The following GPLD1 variants were observed in gnomAD, a reference collection of about 807,000 sequenced individuals.
The protein encoded by GPLD1 is phosphatidylinositol-glycan-specific phospholipase D.
GPLD1 carries 84 observed loss-of-function variants against 112.6 expected under a neutral mutation model. That is an observed-to-expected ratio of 0.75 (90% CI 0.63 to 0.89). The LOEUF (loss-of-function observed/expected upper bound fraction) is 0.89. Ranked by LOEUF, GPLD1 falls within the 40% of genes least tolerant of loss-of-function variation. GPLD1 has a pLI of 0.00. For synonymous variants in GPLD1, 386 were observed against 403.8 expected (o/e 0.96, Z 0.53); for missense variants, 1,044 against 1,051.5 (o/e 0.99, Z 0.10).
intron 14 of GPLD1, 89 bp downstream of exon 14, chr6:24,453,923 CTTG>C: frequency 1.3e-6 from 1 of 796,596 alleles, no homozygotes; most frequent in Non-Finnish European, 2.1e-6. Flanking sequence ...TGTAATTATT[CTTG>C]TTATTAGTTA....
chr6:24,480,274 C>A (rs926674555), intron 2 of GPLD1, among the ~76,000 whole-genome samples: 5 of 151,466 alleles, frequency 3.3e-5, no homozygotes, highest in Admixed American at 1.3e-4. Context: ...GCAGGATTTC[C>A]CTGAGGCCTT....
At chr6:24,459,480 C>T (rs1581758969) in intron 12 of GPLD1, among the ~76,000 whole-genome samples, 1 of 152,346 alleles carries the variant, frequency 6.6e-6, no homozygotes, top group South Asian at 2.1e-4. Flanking sequence ...TAGTCTCAAA[C>T]TCCTGAGCTC....
chr6:24,478,194 C>T (rs970002803), intron 3 of GPLD1, among the ~76,000 whole-genome samples: 6 of 152,016 alleles, frequency 3.9e-5, no homozygotes, highest in Non-Finnish European at 2.9e-5. Context: ...AGTAGAGCTC[C>T]CATGAATACA....
intron 24 of GPLD1, 99 bp from the exon 25 acceptor site, chr6:24,429,217 T>C: frequency 3.0e-6 from 2 of 660,016 alleles, no homozygotes; most frequent in South Asian, 2.5e-5. Context: ...AATATAAAGA[T>C]GAATAAGACA....
At chr6:24,464,479 T>C (rs1256025035) in intron 10 of GPLD1, among the ~76,000 whole-genome samples, 2 of 152,214 alleles carry the variant, frequency 1.3e-5, no homozygotes, top group East Asian at 1.9e-4. Context: ...GCCAAATTGT[T>C]ACTCACCGAT....
chr6:24,438,872 C>T (rs567644970), intron 20 of GPLD1, among the ~76,000 whole-genome samples: 26 of 152,232 alleles, frequency 1.7e-4, no homozygotes, highest in Admixed American at 8.5e-4. Flanking sequence ...CTGCAACCTC[C>T]GCTTCCTGGG....
intron 7 of GPLD1, 56 bp downstream of exon 7, chr6:24,472,526 G>C: frequency 2.1e-6 from 2 of 975,176 alleles, no homozygotes; most frequent in South Asian, 1.4e-5. Flanking sequence ...AAGAAAAAAA[G>C]TCAAGGCTCT....
chr6:24,434,802 C>T (rs1297071390), intron 22 of GPLD1, among the ~76,000 whole-genome samples: 9 of 142,006 alleles, frequency 6.3e-5, no homozygotes, highest in Admixed American at 2.2e-4. Context: ...CACGCCACTG[C>T]ACTCCAGCCT....
At chr6:24,469,137 GGA>G (rs1367324390) in intron 7 of GPLD1, among the ~76,000 whole-genome samples, 1 of 152,110 alleles carries the variant, frequency 6.6e-6, no homozygotes, top group African/African-American at 2.4e-5. Flanking sequence ...AACAGGTGCT[GGA>G]GAGGATGTGG....
chr6:24,427,956 A>T lies in GPLD1; in HGVS notation c.*1076T>A, dbSNP rs977634310. Among the ~76,000 whole-genome samples, 41 of 152,172 alleles carry T rather than the reference A, an allele frequency of 2.7e-4. No individual in the cohort carries two copies. The highest frequency in any genetic ancestry group is 1.4e-3 in the Admixed American group (22 of 15,274). ...TGTTCTCACAAGTGGGTGCTAAGTT[A>T]AAAGAACTTATGAACACAAAACAAC... On this transcript the variant is annotated 3_prime_UTR_variant, in exon 25 of 25. Transcript: ENST00000230036.
rs760535652 is a variant in GPLD1 at position 24,446,907 on chromosome 6, A to C, written c.1751T>G (p.Leu584Arg). 8 of 1,614,066 alleles carry C rather than the reference A, an allele frequency of 5.0e-6. No homozygotes were observed. The highest frequency in any genetic ancestry group is 6.8e-6 in the Non-Finnish European group (8 of 1,179,972). ...EEDFSWFGYS[L>R]HGVTVDNRTL... is the part of the protein sequence containing the mutation. ...TCTGTTGTCCACAGTGACACCGTGA[A>C]GGGAATATCCAAACCAGGAGAAGTC... Residue 584 changes from leucine to arginine, a missense_variant, in exon 18 of 25, where the codon CTT becomes CGT. Physicochemically the swap from Leu to Arg is moderately radical, Grantham distance 102. Coordinates refer to ENST00000230036, the MANE Select transcript of GPLD1 (RefSeq NM_001503.4).
exon 1 of GPLD1, chr6:24,495,147 C>T: frequency 2.8e-6 from 4 of 1,421,812 alleles, no homozygotes; most frequent in East Asian, 3.0e-5. Flanking sequence ...CGCTGGGCGC[C>T]TGGCGGGCCT....
At position 24,445,772 on chromosome 6, in the gene GPLD1, T is replaced by C; in HGVS notation, c.1880A>G (p.Tyr627Cys). ...CCAGCTTTGGCCGTTTGGTGGGAAG[T>C]AGCCATACACCCTCCCAAGGCTCTT... ...EKKSLGRVYGYFPPNGQSWFT... is the reference protein window; with the variant it reads ...EKKSLGRVYGCFPPNGQSWFT... The change falls in exon 19 of 25, where the codon TAC becomes TGC. Residue 627 changes from tyrosine to cysteine, a missense_variant. Transcript: ENST00000230036. 1.2e-6 allele frequency: 2 copies of C among 1,613,842 alleles called. No homozygotes were observed. The highest frequency in any genetic ancestry group is 2.2e-5 in the East Asian group (1 of 44,878).
At chr6:24,461,184 G>A (rs1348877955) in intron 11 of GPLD1, among the ~76,000 whole-genome samples, 1 of 152,120 alleles carries the variant, frequency 6.6e-6, no homozygotes, top group Admixed American at 6.5e-5. Context: ...AGTAGGGAGT[G>A]GACAACAGCC....
At chr6:24,457,623 C>T (rs1399770698) in intron 12 of GPLD1, among the ~76,000 whole-genome samples, 1 of 152,038 alleles carries the variant, frequency 6.6e-6, no homozygotes, top group Non-Finnish European at 1.5e-5. Context: ...TGGCTCACGC[C>T]TATAATCCTA....
At chr6:24,467,603 A>T (rs1270600496) in intron 7 of GPLD1, among the ~76,000 whole-genome samples, 1 of 152,232 alleles carries the variant, frequency 6.6e-6, no homozygotes, top group Non-Finnish European at 1.5e-5. Context: ...AAGAGTGGTT[A>T]ATTTTGTGAA....
At position 24,431,457 on chromosome 6, in the gene GPLD1, CCTCT is replaced by C. The variant is rs767742163; in HGVS notation, c.2436+1726_2436+1729del. On this transcript the variant is annotated intron_variant, in intron 24 of 24. Coordinates refer to ENST00000230036, the MANE Select transcript of GPLD1 (RefSeq NM_001503.4). ...TTATTTTCAAGAACAGGGACTCTGC[CCTCT>C]CTGTTTTTATTTCTTATAGCCTATA... Among the ~76,000 whole-genome samples, 20 of 152,004 alleles carry C rather than the reference CCTCT, an allele frequency of 1.3e-4. 1 individual carries two copies. Among genetic ancestry groups the C allele is most frequent in the African/African-American group, 4.6e-4 (19 of 41,380 alleles).
intron 7 of GPLD1, among the ~76,000 whole-genome samples, chr6:24,469,186 TA>T (rs1295774754): frequency 5.9e-5 from 9 of 151,666 alleles, no homozygotes; most frequent in African/African-American, 2.2e-4. Flanking sequence ...GGTGGGACTG[TA>T]AACTAGTTCA....
At chr6:24,449,483 C>G (rs907976966) in intron 15 of GPLD1, among the ~76,000 whole-genome samples, 4 of 152,140 alleles carry the variant, frequency 2.6e-5, no homozygotes, top group Non-Finnish European at 5.9e-5. Flanking sequence ...TACAGATGAG[C>G]TGGGATTTCT....
Sources: allele counts gnomAD v4.1 joint callset (sites outside exome capture counted in the v4.1 genomes callset), GRCh38; gene constraint gnomAD v4.1.1; transcripts MANE v1.5; gene names NCBI Gene and HGNC (gene_info 2026-07-23, HGNC 2026-07-21).